Variants in BCL2L13 observed in about 807,000 individuals in gnomAD.
BCL2L13 encodes the protein bcl-2-like protein 13.
BCL2L13 carries 13 observed loss-of-function variants against 25.8 expected under a neutral mutation model. That is an observed-to-expected ratio of 0.50 (90% CI 0.33 to 0.80). The LOEUF (loss-of-function observed/expected upper bound fraction) is 0.80. Among genes scored for constraint, BCL2L13 ranks in the 30% least tolerant of loss-of-function variants. BCL2L13 has a pLI of 0.02. For missense variants in BCL2L13, 504 were observed against 574.9 expected, an observed-to-expected ratio of 0.88 and a Z score of 1.26; for synonymous variants, 244 against 230.3, an observed-to-expected ratio of 1.06 and a Z score of -0.54.
Position 17,647,403 on chromosome 22 carries a change from G to A in BCL2L13, c.-50-8259G>A, listed in dbSNP as rs147906065. 1.8e-3 allele frequency among the ~76,000 whole-genome samples: 277 copies of A among 152,092 alleles called. 3 individuals carry two copies. The highest frequency in any genetic ancestry group is 6.1e-3 in the African/African-American group (254 of 41,484). ...TACAAAAGCTTTAGGTGATGGTCCC[G>A]CGTCATAATTACCTTTCATCCAATC... On this transcript the variant is annotated intron_variant, in intron 1 of 6. Transcript: ENST00000317582.
chr22:17,728,689 A>G lies in BCL2L13; in HGVS notation c.*1155A>G, dbSNP rs536067027. The G allele has an allele frequency of 1.3e-5, 2 of 152,344 alleles. No individual in the cohort carries two copies. Among genetic ancestry groups the G allele is most frequent in the Admixed American group, 6.5e-5 (1 of 15,304 alleles). 9.4% of individuals were successfully genotyped at this position (152,344 alleles called of 1,614,324 possible). On this transcript the variant is annotated 3_prime_UTR_variant, in exon 7 of 7. Transcript: ENST00000317582. The stretch of plus-strand genomic sequence containing the variant: ...ATTCTTATGAAATAGAGAGTGTCCT[A>G]AATATCACTGAAATAAAAAGTAGGA...
At position 17,728,431 on chromosome 22, in the gene BCL2L13, G is replaced by C. The variant is rs575651545; in HGVS notation, c.*897G>C. The C allele has an allele frequency of 1.2e-4, 18 of 152,334 alleles. No individual in the cohort carries two copies. The highest frequency in any genetic ancestry group is 9.8e-4 in the Admixed American group (15 of 15,300). 9.4% of individuals were successfully genotyped at this position (152,334 alleles called of 1,614,324 possible). A position where few individuals can be genotyped will look rare whatever the true frequency, so the allele number is the denominator to read the frequency against. Reference sequence around the variant, plus strand: ...ACATGTGTCTTGTGTCAAGGCAGGAGGATAACCTGGATGACCTTCTGAGGT... The same window carrying C: ...ACATGTGTCTTGTGTCAAGGCAGGACGATAACCTGGATGACCTTCTGAGGT... On this transcript the variant is annotated 3_prime_UTR_variant, in exon 7 of 7. Transcript: ENST00000317582.
intron 2 of BCL2L13, among the ~76,000 whole-genome samples, chr22:17,670,248 C>T (rs1436623577): frequency 1.3e-5 from 2 of 152,024 alleles, no homozygotes; most frequent in African/African-American, 4.8e-5. Flanking sequence ...TATTCTGTGT[C>T]TCTTGCATTT....
chr22:17,696,802 A>G (rs1246728115), intron 5 of BCL2L13, among the ~76,000 whole-genome samples: 2 of 152,170 alleles, frequency 1.3e-5, no homozygotes, highest in Non-Finnish European at 2.9e-5. Context: ...ATCTGATTCT[A>G]GCGTCTGTTT....
chr22:17,703,674 C>G (rs2060507379), intron 6 of BCL2L13: 1 of 152,082 alleles, frequency 6.6e-6, no homozygotes, highest in South Asian at 2.1e-4. Context: ...ATCGAACATC[C>G]TAGGTTTACG....
At chr22:17,640,954 G>A (rs1285702126) in intron 1 of BCL2L13, among the ~76,000 whole-genome samples, 5 of 150,562 alleles carry the variant, frequency 3.3e-5, no homozygotes, top group African/African-American at 9.8e-5. Flanking sequence ...GCAATGACAC[G>A]ATCTCGGCTC....
chr22:17,685,643 T>G (rs1447284935), intron 3 of BCL2L13, among the ~76,000 whole-genome samples: 1 of 152,154 alleles, frequency 6.6e-6, no homozygotes, highest in Admixed American at 6.6e-5. Context: ...TATTCATTCA[T>G]TAGTTAATGG....
At chr22:17,696,922 G>A (rs748624588) in intron 5 of BCL2L13, among the ~76,000 whole-genome samples, 1 of 152,140 alleles carries the variant, frequency 6.6e-6, no homozygotes, top group East Asian at 1.9e-4. Context: ...AGTGCAGTGT[G>A]AGAAAGAAGG....
intron 1 of BCL2L13, among the ~76,000 whole-genome samples, chr22:17,639,414 C>T (rs73163139): frequency 0.024 from 3,682 of 152,304 alleles, 64 homozygotes; most frequent in Middle Eastern, 0.058. Flanking sequence ...TGCCTTCTTG[C>T]CCTTGGAGGC....
Position 17,726,729 on chromosome 22 carries a change from C to T in BCL2L13, c.653C>T (p.Ala218Val). 6.2e-7 allele frequency: 1 copy of T among 1,614,160 alleles called. No individual in the cohort carries two copies. Among genetic ancestry groups the T allele is most frequent in the Non-Finnish European group, 8.5e-7 (1 of 1,180,018 alleles). ...SEEEEYPGIT[A>V]EDSNDIYILP... ...GAGGAGGAATACCCTGGAATCACTG[C>T]AGAAGATAGCAATGACATTTACATC... Residue 218 changes from alanine to valine, a missense_variant, in exon 7 of 7, where the codon GCA (alanine) becomes GTA (valine). Transcript: ENST00000317582.
chr22:17,644,450 C>T (rs917075640), intron 1 of BCL2L13, among the ~76,000 whole-genome samples: 4 of 150,470 alleles, frequency 2.7e-5, no homozygotes, highest in Admixed American at 2.6e-4. Context: ...CCTCTCTCAG[C>T]CCCCTGAAGT....
rs956919367 is a variant in BCL2L13, at chr22:17,730,518, G to A, written c.*2984G>A. On this transcript the variant is annotated 3_prime_UTR_variant, in exon 7 of 7. Coordinates refer to ENST00000317582, the MANE Select transcript of BCL2L13 (RefSeq NM_015367.4). Reference sequence around the variant, plus strand: ...CCTCAATAATATGACAGTAAGGCAAGTAGTCTCCTTGCCTTTCTCCTGAAA... The same window carrying A: ...CCTCAATAATATGACAGTAAGGCAAATAGTCTCCTTGCCTTTCTCCTGAAA... 6.6e-6 allele frequency: 1 copy of A among 152,184 alleles called. No individual in the cohort carries two copies. Among genetic ancestry groups the A allele is most frequent in the Non-Finnish European group, 1.5e-5 (1 of 68,030 alleles). The allele number at this position is 152,184 out of a possible 1,614,324, so 9.4% of individuals were successfully genotyped here.
At chr22:17,662,467 G>A (rs1037906800) in intron 2 of BCL2L13, among the ~76,000 whole-genome samples, 1 of 152,054 alleles carries the variant, frequency 6.6e-6, no homozygotes, top group African/African-American at 2.4e-5. Context: ...GACAGAGTGA[G>A]ACTCCATCTC....
intron 5 of BCL2L13, among the ~76,000 whole-genome samples, chr22:17,699,475 T>C (rs966928540): frequency 1.3e-5 from 2 of 152,168 alleles, no homozygotes; most frequent in Admixed American, 6.5e-5. Context: ...CGAAGAGATG[T>C]CAGGAGATTA....
At chr22:17,664,715 C>T (rs1340614032) in intron 2 of BCL2L13, among the ~76,000 whole-genome samples, 2 of 152,222 alleles carry the variant, frequency 1.3e-5, no homozygotes, top group Non-Finnish European at 1.5e-5. Context: ...TCCCAAACCT[C>T]GGTTCTTGAC....
At chr22:17,681,105 T>G (rs2059740380) in intron 2 of BCL2L13, among the ~76,000 whole-genome samples, 1 of 152,194 alleles carries the variant, frequency 6.6e-6, no homozygotes, top group Non-Finnish European at 1.5e-5. Context: ...GCCCTGCTCA[T>G]TAAGTCAGGT....
rs566437132 is a variant in BCL2L13 at position 17,728,741 on chromosome 22, G to C, written c.*1207G>C. 8 of 152,350 alleles carry C rather than the reference G, an allele frequency of 5.3e-5. No homozygotes were observed. In the South Asian group the frequency reaches 1.4e-3, roughly 28 times the overall value. The allele number at this position is 152,350 out of a possible 1,614,324, so 9.4% of individuals were successfully genotyped here. On this transcript the variant is annotated 3_prime_UTR_variant, in exon 7 of 7. Coordinates refer to ENST00000317582, the MANE Select transcript of BCL2L13 (RefSeq NM_015367.4). ...AAAGAAGCTTGAATTTTAAGACTGA[G>C]GCTGCTCTGCAGATTCTAGTTTGGC... is the stretch of plus-strand genomic sequence containing the variant.
intron 6 of BCL2L13, among the ~76,000 whole-genome samples, chr22:17,710,067 T>TAAAA (rs71201876): frequency 9.9e-4 from 91 of 91,720 alleles, no homozygotes; most frequent in East Asian, 1.8e-3. Context: ...GACCTTGTCT[T>TAAAA]AAAAAAAAAA....
intron 5 of BCL2L13, among the ~76,000 whole-genome samples, chr22:17,700,594 G>A (rs1203066098): frequency 6.6e-6 from 1 of 152,170 alleles, no homozygotes; most frequent in Non-Finnish European, 1.5e-5. Context: ...TGGTTCATAA[G>A]CCACTCCTTA....
Sources: allele counts gnomAD v4.1 joint callset (sites outside exome capture counted in the v4.1 genomes callset), GRCh38; gene constraint gnomAD v4.1.1; transcripts MANE v1.5; gene names NCBI Gene and HGNC (gene_info 2026-07-23, HGNC 2026-07-21).